Variants in PCDHGA11 observed in about 807,000 individuals in gnomAD.
The protein encoded by PCDHGA11 is protocadherin gamma-A11.
A neutral mutation model predicts 60.4 loss-of-function variants in PCDHGA11; 39 were observed. The ratio of observed to expected loss-of-function variants is 0.65; its 90% CI spans 0.50 to 0.84. The LOEUF (loss-of-function observed/expected upper bound fraction) is 0.84, where lower values mean the gene tolerates loss of function less well. Ranked by LOEUF, PCDHGA11 falls within the 40% of genes least tolerant of loss-of-function variation. PCDHGA11 has a pLI of 0.00. For synonymous variants in PCDHGA11, 533 were observed against 510.3 expected (o/e 1.04, Z -0.60); for missense variants, 1,165 against 1,197.7 (o/e 0.97, Z 0.40).
intron 1 of PCDHGA11, chr5:141,441,986 C>A (rs2098288559): frequency 1.1e-5 from 3 of 269,098 alleles, no homozygotes; most frequent in South Asian, 7.5e-5. Context: ...GAATGCGCAC[C>A]GACGAGGTGC....
chr5:141,474,019 A>G (rs923131322), intron 1 of PCDHGA11, among the ~76,000 whole-genome samples: 4 of 152,134 alleles, frequency 2.6e-5, no homozygotes, highest in Non-Finnish European at 4.4e-5. Flanking sequence ...ACAGTGAGCT[A>G]TGATTATTCC....
chr5:141,476,952 T>A lies in PCDHGA11; in HGVS notation c.2434-17855T>A, dbSNP rs1463851594. On this transcript the variant is annotated intron_variant, in intron 1 of 3. Transcript: ENST00000398587. This position sits in a 1 kb window ranked among gnomAD's most constrained non-coding sequence, Gnocchi z 7.6. ...CTGGATGAAGGCCCCAACGGTGAAA[T>A]TATTTACTCCTTCGGCAGCCACAAC... 1 of 1,614,052 alleles carries A rather than the reference T, an allele frequency of 6.2e-7. No individual in the cohort carries two copies. Among genetic ancestry groups the A allele is most frequent in the Non-Finnish European group, 8.5e-7 (1 of 1,180,038 alleles).
chr5:141,505,960 G>A (rs2099849410), intron 3 of PCDHGA11, among the ~76,000 whole-genome samples: 1 of 152,202 alleles, frequency 6.6e-6, no homozygotes, highest in Non-Finnish European at 1.5e-5. Context: ...AGTGGGTGTA[G>A]AAATCCCCAG....
intron 3 of PCDHGA11, among the ~76,000 whole-genome samples, chr5:141,507,713 C>T (rs2099862763): frequency 6.6e-6 from 1 of 152,234 alleles, no homozygotes; most frequent in Non-Finnish European, 1.5e-5. Flanking sequence ...GGCCCCAAAC[C>T]CTCCAAGCAA....
chr5:141,505,277 G>A, intron 2 of PCDHGA11, 116 bp from the exon 3 acceptor site: 1 of 1,539,958 alleles, frequency 6.5e-7, no homozygotes, highest in African/African-American at 1.4e-5. Context: ...AGAGAAACAG[G>A]TCTTGGGCAT....
In PCDHGA11 at chr5:141,432,469, C is replaced by A; in HGVS notation, c.2433+8809C>A. On this transcript the variant is annotated intron_variant, in intron 1 of 3. Coordinates refer to ENST00000398587, the MANE Select transcript of PCDHGA11 (RefSeq NM_018914.3). The surrounding 1 kb of genome is among the most constrained non-coding windows in gnomAD (Gnocchi z 6.0). ...TCCTGTACCCCGCCCTCCCCACGGA[C>A]GGTTCCACTGGCGTGGAGCTGGCTC... 6.2e-7 allele frequency: 1 copy of A among 1,614,218 alleles called. No individual in the cohort carries two copies.
intron 1 of PCDHGA11, among the ~76,000 whole-genome samples, chr5:141,438,211 A>G (rs767576436): frequency 7.8e-4 from 119 of 152,308 alleles, no homozygotes; most frequent in Admixed American, 2.3e-3. Context: ...CCATATGGGA[A>G]GGGCTCTGGT....
intron 1 of PCDHGA11, among the ~76,000 whole-genome samples, chr5:141,444,152 ATTTTTTTTTTTTTTTTTTTTTT>A (rs747671382): frequency 8.9e-5 from 3 of 33,882 alleles, no homozygotes; most frequent in East Asian, 1.0e-3. Flanking sequence ...TGTGTACTGG[ATTTTTTTTTTTTTTTTTTTTTT>A]TTTTTTTTTT....
At chr5:141,458,509 CTTTG>C (rs1327998402) in intron 1 of PCDHGA11, among the ~76,000 whole-genome samples, 2 of 149,986 alleles carry the variant, frequency 1.3e-5, no homozygotes. Context: ...CTGTTTGACA[CTTTG>C]TTTTTTTTTT....
chr5:141,439,056 T>C (rs2098084461), intron 1 of PCDHGA11, among the ~76,000 whole-genome samples: 1 of 151,260 alleles, frequency 6.6e-6, no homozygotes, highest in Non-Finnish European at 1.5e-5. Flanking sequence ...TTCCATATTG[T>C]GTGGCAGGCG....
chr5:141,423,672 T>A lies in PCDHGA11; in HGVS notation c.2433+12T>A. ...CGACAAGTAATCAGGTGAGATTTATTTCTCTGCCTCCTAATTGTTGGTGTC... is the reference window on the plus strand; with the variant it reads ...CGACAAGTAATCAGGTGAGATTTATATCTCTGCCTCCTAATTGTTGGTGTC... On this transcript the variant is annotated intron_variant, in intron 1 of 3. Coordinates refer to ENST00000398587, the MANE Select transcript of PCDHGA11 (RefSeq NM_018914.3). 1.3e-6 allele frequency: 2 copies of A among 1,549,982 alleles called. No individual in the cohort carries two copies. The highest frequency in any genetic ancestry group is 1.7e-6 in the Non-Finnish European group (2 of 1,150,996).
rs762910422 is a variant in PCDHGA11, at chr5:141,485,747, C to T, written c.2434-9060C>T. ...GAAGCGCAGCGACGGCAGCCTGGTCCCAGAGCTGCTCCTGGAGAAGCCTTT... is the reference window on the plus strand; with the variant it reads ...GAAGCGCAGCGACGGCAGCCTGGTCTCAGAGCTGCTCCTGGAGAAGCCTTT... On this transcript the variant is annotated intron_variant, in intron 1 of 3. Coordinates refer to ENST00000398587, the MANE Select transcript of PCDHGA11 (RefSeq NM_018914.3). This position sits in a 1 kb window ranked among gnomAD's most constrained non-coding sequence, Gnocchi z 5.7. 1 of 1,614,162 alleles carries T rather than the reference C, an allele frequency of 6.2e-7. No individual in the cohort carries two copies.
rs1027897777 is a variant in PCDHGA11, at chr5:141,510,812, C to T, written c.2582-135C>T. 151 of 1,531,674 alleles carry T rather than the reference C, an allele frequency of 9.9e-5. 1 individual carries two copies. The highest frequency in any genetic ancestry group is 2.5e-5 in the South Asian group (2 of 80,152). 94.9% of individuals were successfully genotyped at this position (1,531,674 alleles called of 1,614,324 possible). A position where few individuals can be genotyped will look rare whatever the true frequency, so the allele number is the denominator to read the frequency against. On this transcript the variant is annotated intron_variant, in intron 3 of 3. Coordinates refer to ENST00000398587, the MANE Select transcript of PCDHGA11 (RefSeq NM_018914.3). ...TGTGAAGAGAGACTACCTTGGTGAC[C>T]CCTATATTCCCAGTGCTCAGCGTGG...
At chr5:141,434,830 C>A (rs7703679) in intron 1 of PCDHGA11, among the ~76,000 whole-genome samples, 45,467 of 151,546 alleles carry the variant, frequency 0.3, 8,050 homozygotes, top group African/African-American at 0.5. Flanking sequence ...GTACACTTGG[C>A]ATTTATAAAG....
rs962794399 is a variant in PCDHGA11, at chr5:141,449,958, AT to A, written c.2433+26306del. Among the ~76,000 whole-genome samples, 332 of 148,828 alleles carry A rather than the reference AT, an allele frequency of 2.2e-3. 1 individual carries two copies. The highest frequency in any genetic ancestry group is 6.8e-3 in the Admixed American group (101 of 14,904). Reference sequence around the variant, plus strand: ...GTATATTTTACTATACCTCATAGTAATTTTTTTTAGTCCAAAATATCACACA... The same window carrying A: ...GTATATTTTACTATACCTCATAGTAATTTTTTTAGTCCAAAATATCACACA... On this transcript the variant is annotated intron_variant, in intron 1 of 3. Coordinates refer to ENST00000398587, the MANE Select transcript of PCDHGA11 (RefSeq NM_018914.3).
intron 1 of PCDHGA11, among the ~76,000 whole-genome samples, chr5:141,467,950 C>T (rs780236016): frequency 2.6e-5 from 4 of 152,290 alleles, no homozygotes; most frequent in Admixed American, 6.5e-5. Context: ...TGAGCCACCA[C>T]ACCCGGCTGC....
chr5:141,467,376 A>G (rs1391386659), intron 1 of PCDHGA11, among the ~76,000 whole-genome samples: 2 of 151,990 alleles, frequency 1.3e-5, no homozygotes. Flanking sequence ...CTTATATTGC[A>G]TTTAGGTTTT....
At chr5:141,509,069 G>T (rs1463164307) in intron 3 of PCDHGA11, among the ~76,000 whole-genome samples, 1 of 152,174 alleles carries the variant, frequency 6.6e-6, no homozygotes, top group Non-Finnish European at 1.5e-5. Flanking sequence ...CTCAGCTCCG[G>T]GGATTTGCGA....
intron 1 of PCDHGA11, among the ~76,000 whole-genome samples, chr5:141,451,719 TA>T (rs2098722539): frequency 6.6e-6 from 1 of 152,016 alleles, no homozygotes; most frequent in Non-Finnish European, 1.5e-5. Flanking sequence ...CTGCCTCTAC[TA>T]AAAATACAAA....
Sources: allele counts gnomAD v4.1 joint callset (sites outside exome capture counted in the v4.1 genomes callset), GRCh38; gene constraint gnomAD v4.1.1; non-coding constraint Gnocchi (gnomAD v3.1); transcripts MANE v1.5; gene names NCBI Gene and HGNC (gene_info 2026-07-23, HGNC 2026-07-21).